The following PIWIL1 variants were observed in gnomAD, a reference collection of about 807,000 sequenced individuals.
The protein encoded by PIWIL1 is piwi like RNA-mediated gene silencing 1, also known as piwi-like protein 1.
In PIWIL1, 73 loss-of-function variants were observed where a neutral mutation model predicts 114.4. That is an observed-to-expected ratio of 0.64 (90% confidence interval 0.53 to 0.78). The LOEUF (loss-of-function observed/expected upper bound fraction) is 0.78. Among genes scored for constraint, PIWIL1 ranks in the 30% least tolerant of loss-of-function variants. PIWIL1 has a pLI of 0.00. For missense variants in PIWIL1, 723 were observed against 1,063.1 expected, an observed-to-expected ratio of 0.68 and a Z score of 4.45; for synonymous variants, 375 against 369.0, an observed-to-expected ratio of 1.02 and a Z score of -0.19.
chr12:130,338,043 C>T lies in PIWIL1; in HGVS notation c.-116C>T, dbSNP rs879317719. 6.6e-5 allele frequency: 12 copies of T among 183,008 alleles called. No individual in the cohort carries two copies. The highest frequency in any genetic ancestry group is 1.1e-4 in the Non-Finnish European group (10 of 88,332). 11.3% of individuals were successfully genotyped at this position (183,008 alleles called of 1,614,324 possible). A position where few individuals can be genotyped will look rare whatever the true frequency, so the allele number is the denominator to read the frequency against. ...AGGTGGGCGCGGGCCGAAGGAGGTC[C>T]TGGGAGGTCGGCGGCGCGGAGGGAT... On this transcript the variant is annotated 5_prime_UTR_variant, in exon 1 of 21. Transcript: ENST00000245255.
At chr12:130,370,077 C>A (rs559392566) in intron 19 of PIWIL1, among the ~76,000 whole-genome samples, 156 of 152,258 alleles carry the variant, frequency 1.0e-3, no homozygotes, top group African/African-American at 3.5e-3. Context: ...TTTCTTAACT[C>A]CTCATTCTTT....
At chr12:130,422,408 T>A in the PIWIL1 span, 2 of 1,377,652 alleles carry the variant, frequency 1.5e-6, no homozygotes, top group Non-Finnish European at 1.0e-6. This position sits in a 1 kb window ranked among gnomAD's most constrained non-coding sequence, Gnocchi z 5.2. Context: ...AGCAGCCACA[T>A]GCTCCGCGGC....
chr12:130,388,898 A>G, the PIWIL1 span, among the ~76,000 whole-genome samples: 1 of 152,110 alleles, frequency 6.6e-6, no homozygotes, highest in African/African-American at 2.4e-5. Flanking sequence ...TCTTCTTTCC[A>G]ATCTTTATGC....
At chr12:130,395,313 G>A in the PIWIL1 span, among the ~76,000 whole-genome samples, 1 of 152,160 alleles carries the variant, frequency 6.6e-6, no homozygotes, top group African/African-American at 2.4e-5. Flanking sequence ...CACCAGAAAA[G>A]GGAGATTGCT....
chr12:130,348,975 T>G lies in PIWIL1; in HGVS notation c.735-264T>G, dbSNP rs544997456. On this transcript the variant is annotated intron_variant, in intron 7 of 20. Coordinates refer to ENST00000245255, the MANE Select transcript of PIWIL1 (RefSeq NM_004764.5). ...ATAATTGTGGTGCTTTCAATTAGAT[T>G]GGCAACTTTTTAAAAGTCTTAGGCC... Among the ~76,000 whole-genome samples the G allele has an allele frequency of 1.2e-3, 177 of 152,348 alleles. 4 individuals are homozygous for G. The highest frequency in any genetic ancestry group is 8.5e-3 in the South Asian group (41 of 4,830).
downstream of PIWIL1, among the ~76,000 whole-genome samples, chr12:130,376,623 A>G (rs1046190058): frequency 6.6e-6 from 1 of 152,178 alleles, no homozygotes; most frequent in African/African-American, 2.4e-5. Flanking sequence ...GAAACCTGGG[A>G]GCCATCCTGG....
the PIWIL1 span, among the ~76,000 whole-genome samples, chr12:130,406,723 T>C: frequency 6.6e-6 from 1 of 152,232 alleles, no homozygotes; most frequent in Non-Finnish European, 1.5e-5. Context: ...CTCGGCCCAC[T>C]GCAACCTCTG....
At chr12:130,355,529 C>CA (rs754936943) in intron 11 of PIWIL1, 24 bp from the exon 12 acceptor site, 3 of 1,484,098 alleles carry the variant, frequency 2.0e-6, no homozygotes, top group African/African-American at 1.4e-5. Flanking sequence ...TGTTGAGTCG[C>CA]ATGTAAATGT....
chr12:130,361,659 G>A (rs2073512392), intron 16 of PIWIL1, 58 bp downstream of exon 16: 3 of 1,313,062 alleles, frequency 2.3e-6, no homozygotes, highest in Admixed American at 3.5e-5. Context: ...GGTTCTGGAG[G>A]TTCAGGAGTA....
the PIWIL1 span, among the ~76,000 whole-genome samples, chr12:130,392,615 C>G: frequency 1.0e-4 from 2 of 19,120 alleles, 1 homozygote; most frequent in African/African-American, 3.8e-4. Flanking sequence ...ACCGTCATCA[C>G]GTGTCTGTCA....
intron 4 of PIWIL1, 123 bp from the exon 5 acceptor site, chr12:130,346,247 T>C (rs1565941841): frequency 1.4e-6 from 1 of 695,110 alleles, no homozygotes; most frequent in Non-Finnish European, 2.4e-6. Context: ...CTGAGGACTT[T>C]CATGTTGTCT....
intron 14 of PIWIL1, among the ~76,000 whole-genome samples, chr12:130,358,551 C>G (rs550154086): frequency 2.0e-5 from 3 of 152,188 alleles, no homozygotes; most frequent in South Asian, 4.2e-4. Context: ...CCGGCCCCTC[C>G]CTAGTAGCCC....
intron 6 of PIWIL1, 108 bp from the exon 7 acceptor site, chr12:130,347,995 C>T (rs753181002): frequency 1.6e-6 from 1 of 637,120 alleles, no homozygotes; most frequent in Non-Finnish European, 2.7e-6. Context: ...TGGATTTGGC[C>T]TGGCTACAGA....
chr12:130,346,778 T>A (rs536159767), intron 5 of PIWIL1, among the ~76,000 whole-genome samples, 163 bp from the exon 6 acceptor site: 1 of 152,296 alleles, frequency 6.6e-6, no homozygotes, highest in South Asian at 2.1e-4. Flanking sequence ...TACAATTGAG[T>A]TATAATACAC....
intron 14 of PIWIL1, among the ~76,000 whole-genome samples, chr12:130,358,683 C>T (rs1027351494): frequency 3.3e-5 from 5 of 152,090 alleles, no homozygotes; most frequent in East Asian, 1.9e-4. Flanking sequence ...GGGAAAATTA[C>T]CCCCCTTTTC....
chr12:130,343,686 C>A (rs561869753), intron 3 of PIWIL1, among the ~76,000 whole-genome samples: 1 of 141,090 alleles, frequency 7.1e-6, no homozygotes, highest in Non-Finnish European at 1.5e-5. Context: ...AGTGCAGTGG[C>A]GCGATCTCTG....
At chr12:130,395,175 C>T in the PIWIL1 span, among the ~76,000 whole-genome samples, 5 of 152,178 alleles carry the variant, frequency 3.3e-5, no homozygotes, top group Non-Finnish European at 7.3e-5. Flanking sequence ...ACAGTTTGGG[C>T]TTCCACTTTT....
chr12:130,345,896 A>C lies in PIWIL1; in HGVS notation c.316+18A>C, dbSNP rs779076793. ...AAAAACAGGTAGGTTAATTAAGAAT[A>C]AGTTTTGTGAGATTACATCTCAGGA... On this transcript the variant is annotated intron_variant, in intron 4 of 20. Transcript: ENST00000245255. 1 of 1,611,948 alleles carries C rather than the reference A, an allele frequency of 6.2e-7. No individual in the cohort carries two copies. The highest frequency in any genetic ancestry group is 1.3e-5 in the African/African-American group (1 of 74,860).
At chr12:130,377,590 C>T (rs1199849922), downstream of PIWIL1, among the ~76,000 whole-genome samples, 1 of 152,260 alleles carries the variant, frequency 6.6e-6, no homozygotes, top group Admixed American at 6.5e-5. Context: ...TGTATCTGAA[C>T]ACCAGATGCT....
Sources: gnomAD v4.1 joint callset for allele counts (sites outside exome capture counted in the v4.1 genomes callset) on GRCh38, gnomAD v4.1.1 for gene constraint, Gnocchi (gnomAD v3.1) non-coding constraint, MANE v1.5 for transcripts, NCBI Gene and HGNC (gene_info 2026-07-23, HGNC 2026-07-21) for gene names.